KCNJ6: variants seen among roughly 807,000 people sequenced by gnomAD.
The protein encoded by KCNJ6 is potassium inwardly rectifying channel subfamily J member 6.
Under a neutral mutation model 34.2 loss-of-function variants are expected in KCNJ6, and 9 were observed. The ratio of observed to expected loss-of-function variants is 0.26; its 90% CI spans 0.16 to 0.46. KCNJ6 has a LOEUF of 0.46. KCNJ6 is among the 20% of genes least tolerant of loss of function. The pLI is 1.00. For missense variants in KCNJ6, 236 were observed against 531.3 expected, an observed-to-expected ratio of 0.44 and a Z score of 5.46; for synonymous variants, 196 against 207.1, an observed-to-expected ratio of 0.95 and a Z score of 0.46.
chr21:37,663,910 G>A (rs1294589434), intron 3 of KCNJ6, among the ~76,000 whole-genome samples: 2 of 152,136 alleles, frequency 1.3e-5, no homozygotes, highest in African/African-American at 2.4e-5. Flanking sequence ...TCCCACAGCT[G>A]GCCTTGCATT....
intron 1 of KCNJ6, among the ~76,000 whole-genome samples, chr21:37,882,331 A>G (rs1276606364): frequency 6.6e-6 from 1 of 152,202 alleles, no homozygotes; most frequent in South Asian, 2.1e-4. Context: ...TCTTGGTAAC[A>G]GAAGTGCTGG....
chr21:37,749,029 T>C (rs897779014), intron 2 of KCNJ6, among the ~76,000 whole-genome samples: 1 of 152,234 alleles, frequency 6.6e-6, no homozygotes. Context: ...CATGTGTGTA[T>C]GTATCTGTGT....
At chr21:37,712,348 G>A (rs1427794835) in intron 3 of KCNJ6, among the ~76,000 whole-genome samples, 1 of 152,114 alleles carries the variant, frequency 6.6e-6, no homozygotes, top group Non-Finnish European at 1.5e-5. Context: ...GGCCGCTAGG[G>A]GGATCCAGAG....
At position 37,723,963 on chromosome 21, in the gene KCNJ6, A is replaced by G. The variant is rs575715467; in HGVS notation, c.26-8832T>C. ...AAAAAAAAAGAAAAGCAAGAACAGC[A>G]TGTGTAAAAGTCTTTAAAGGCATGA... is the stretch of plus-strand genomic sequence containing the variant. On this transcript the variant is annotated intron_variant, in intron 2 of 3. Coordinates refer to ENST00000609713, the MANE Select transcript of KCNJ6 (RefSeq NM_002240.5). Among the ~76,000 whole-genome samples the G allele has an allele frequency of 4.1e-4, 63 of 152,278 alleles. No individual in the cohort carries two copies. The South Asian group carries it at 0.012, about 29-fold the overall frequency.
At chr21:37,680,404 C>T (rs541643290) in intron 3 of KCNJ6, among the ~76,000 whole-genome samples, 55 of 152,130 alleles carry the variant, frequency 3.6e-4, no homozygotes, top group Non-Finnish European at 6.3e-4. Context: ...CTCGGCTGCA[C>T]GTGGCTGCTG....
At chr21:37,736,581 A>C (rs2054914251) in intron 2 of KCNJ6, among the ~76,000 whole-genome samples, 1 of 152,220 alleles carries the variant, frequency 6.6e-6, no homozygotes, top group African/African-American at 2.4e-5. Flanking sequence ...CATCTGCCTA[A>C]GCCTGAGAAC....
intron 2 of KCNJ6, among the ~76,000 whole-genome samples, chr21:37,762,995 C>G (rs961496068): frequency 6.6e-6 from 1 of 152,178 alleles, no homozygotes; most frequent in Non-Finnish European, 1.5e-5. Context: ...GGAGTGAACA[C>G]AAGCAGATGA....
At chr21:37,850,501 A>C (rs937949116) in intron 1 of KCNJ6, among the ~76,000 whole-genome samples, 28 of 152,068 alleles carry the variant, frequency 1.8e-4, no homozygotes, top group African/African-American at 6.5e-4. Context: ...TGCACGCCTC[A>C]TGAGAATCTA....
chr21:37,631,044 G>A (rs1204536293), intron 3 of KCNJ6, among the ~76,000 whole-genome samples: 1 of 152,106 alleles, frequency 6.6e-6, no homozygotes, highest in Non-Finnish European at 1.5e-5. Context: ...ACCTATCACA[G>A]CACTTATCAG....
Position 37,915,745 on chromosome 21 carries a change from A to G in KCNJ6, c.-28+139T>C, listed in dbSNP as rs563578509. On this transcript the variant is annotated intron_variant, in intron 1 of 3. Transcript: ENST00000609713. The stretch of plus-strand genomic sequence containing the variant: ...CCCTCGCCTTTCGGCTGACTTGGGC[A>G]CAATGTTTCTCATGAGAGTGGAGAT... 3.9e-5 allele frequency: 6 copies of G among 152,310 alleles called. No homozygotes were observed. The South Asian group carries it at 1.2e-3, about 32-fold the overall frequency. The allele number at this position is 152,310 out of a possible 1,614,324, so 9.4% of individuals were successfully genotyped here. A position where few individuals can be genotyped will look rare whatever the true frequency, so the allele number is the denominator to read the frequency against.
chr21:37,839,420 T>C (rs963805349), intron 2 of KCNJ6, among the ~76,000 whole-genome samples: 4 of 152,234 alleles, frequency 2.6e-5, no homozygotes, highest in African/African-American at 9.7e-5. Flanking sequence ...GAAATCAATG[T>C]AAATAACTTT....
Position 37,691,335 on chromosome 21 carries a change from A to G in KCNJ6, c.946+22876T>C, listed in dbSNP as rs183601831. Among the ~76,000 whole-genome samples the G allele has an allele frequency of 4.1e-4, 62 of 152,266 alleles. No individual in the cohort carries two copies. The East Asian group carries it at 0.012, about 29-fold the overall frequency. ...TCATTTACTAGACTGGAAGTGAGAG[A>G]CATCTCCCTCCCCTCCCTTATTGGG... On this transcript the variant is annotated intron_variant, in intron 3 of 3. Coordinates refer to ENST00000609713, the MANE Select transcript of KCNJ6 (RefSeq NM_002240.5).
At chr21:37,893,848 T>C (rs1349480422) in intron 1 of KCNJ6, among the ~76,000 whole-genome samples, 1 of 152,228 alleles carries the variant, frequency 6.6e-6, no homozygotes, top group Non-Finnish European at 1.5e-5. Flanking sequence ...CAAGTTGCCA[T>C]GATTCACTTT....
chr21:37,714,119 A>G lies in KCNJ6; in HGVS notation c.946+92T>C. On this transcript the variant is annotated intron_variant, in intron 3 of 3. Coordinates refer to ENST00000609713, the MANE Select transcript of KCNJ6 (RefSeq NM_002240.5). This position sits in a 1 kb window ranked among gnomAD's most constrained non-coding sequence, Gnocchi z 5.9. ...ATGTTGTCAATATTGAGTGAGGTTC[A>G]GTATTCTAGATCTTGTAATAGATAA... 1 of 893,890 alleles carries G rather than the reference A, an allele frequency of 1.1e-6. No homozygotes were observed. Among genetic ancestry groups the G allele is most frequent in the Non-Finnish European group, 1.8e-6 (1 of 563,582 alleles). The allele number at this position is 893,890 out of a possible 1,614,324, so 55.4% of individuals were successfully genotyped here. A position where few individuals can be genotyped will look rare whatever the true frequency, so the allele number is the denominator to read the frequency against.
chr21:37,677,227 G>C (rs77197950), intron 3 of KCNJ6, among the ~76,000 whole-genome samples: 3 of 152,168 alleles, frequency 2.0e-5, no homozygotes, highest in Non-Finnish European at 2.9e-5. Flanking sequence ...GGGAGGGAGA[G>C]GACTCCGGTA....
chr21:37,666,646 A>G (rs2054514861), intron 3 of KCNJ6, among the ~76,000 whole-genome samples: 1 of 152,168 alleles, frequency 6.6e-6, no homozygotes. Flanking sequence ...TGTACCCAAC[A>G]GCTCTGAAGA....
At chr21:37,845,958 C>A (rs975020348) in intron 1 of KCNJ6, among the ~76,000 whole-genome samples, 1 of 152,042 alleles carries the variant, frequency 6.6e-6, no homozygotes, top group African/African-American at 2.4e-5. Flanking sequence ...AAAAGGCATT[C>A]ATAGACACAT....
intron 2 of KCNJ6, among the ~76,000 whole-genome samples, chr21:37,754,482 C>T (rs1438562749): frequency 6.6e-6 from 1 of 152,054 alleles, no homozygotes; most frequent in Non-Finnish European, 1.5e-5. Flanking sequence ...TTAGTAGACA[C>T]CCCACAAATG....
intron 3 of KCNJ6, among the ~76,000 whole-genome samples, chr21:37,657,111 G>GGGGACCAGTCCACCC (rs2054467743): frequency 3.3e-5 from 5 of 152,134 alleles, no homozygotes; most frequent in Admixed American, 3.3e-4. Flanking sequence ...GAGAAGCCAA[G>GGGGACCAGTCCACCC]GGGACCAGTC....
Sources: allele counts gnomAD v4.1 joint callset (sites outside exome capture counted in the v4.1 genomes callset), GRCh38; gene constraint gnomAD v4.1.1; non-coding constraint Gnocchi (gnomAD v3.1); transcripts MANE v1.5; gene names NCBI Gene and HGNC (gene_info 2026-07-23, HGNC 2026-07-21).